The following GATA4 variants were observed in gnomAD, a reference collection of about 807,000 sequenced individuals.
GATA4 encodes the protein GATA binding protein 4.
In GATA4, 7 loss-of-function variants were observed where a neutral mutation model predicts 37.9. The observed-to-expected ratio is 0.18, with a 90% confidence interval of 0.11 to 0.35. GATA4 has a LOEUF of 0.35. Ranked by LOEUF, GATA4 falls within the 10% of genes least tolerant of loss-of-function variation. GATA4 has a pLI of 1.00. For synonymous variants in GATA4, 372 were observed against 292.6 expected, an observed-to-expected ratio of 1.27 and a Z score of -2.77; for missense variants, 647 against 653.0, an observed-to-expected ratio of 0.99 and a Z score of 0.10.
chr8:11,720,358 A>G (rs943325158), intron 2 of GATA4, among the ~76,000 whole-genome samples: 1 of 152,024 alleles, frequency 6.6e-6, no homozygotes, highest in Non-Finnish European at 1.5e-5. Context: ...ACTCGAATTC[A>G]TGCTTGCCTG....
chr8:11,692,291 A>T (rs568561725), upstream of GATA4, among the ~76,000 whole-genome samples: 60 of 152,240 alleles, frequency 3.9e-4, no homozygotes, highest in Non-Finnish European at 3.2e-4. Flanking sequence ...CTTTTCAAGC[A>T]CAGCAATGAC....
At chr8:11,678,336 C>T (rs143582524) in intron 1 of GATA4, among the ~76,000 whole-genome samples, 50 of 152,200 alleles carry the variant, frequency 3.3e-4, no homozygotes, top group Middle Eastern at 3.4e-3. Context: ...AAAATTGTTC[C>T]CTTTGACTAT....
intron 4 of GATA4, among the ~76,000 whole-genome samples, chr8:11,753,593 G>T (rs1011279233): frequency 6.6e-5 from 10 of 151,992 alleles, no homozygotes; most frequent in African/African-American, 2.4e-4. Flanking sequence ...ATAGCTAGGG[G>T]GATGGGGTGG....
At chr8:11,697,717 G>C in intron 1 of GATA4, 1 of 985,464 alleles carries the variant, frequency 1.0e-6, no homozygotes, top group Non-Finnish European at 1.2e-6. Context: ...GCGCTTCCTT[G>C]ACACTTTCCT....
In GATA4 at chr8:11,705,509, G is replaced by C. The variant is rs572722310; in HGVS notation, c.-458+1205G>C. On this transcript the variant is annotated intron_variant, in intron 1 of 6. Coordinates refer to ENST00000532059, the MANE Select transcript of GATA4 (RefSeq NM_001308093.3). ...AGGGCTATTGGTTGATTCTTGAAAG[G>C]GGAGCGCATTTCCTGTTGGCCTGCG... Among the ~76,000 whole-genome samples, 127 of 152,274 alleles carry C rather than the reference G, an allele frequency of 8.3e-4. No individual in the cohort carries two copies. In the South Asian group the frequency reaches 9.4e-3, roughly 11 times the overall value.
At chr8:11,690,233 C>A (rs537010921), upstream of GATA4, among the ~76,000 whole-genome samples, 12 of 152,244 alleles carry the variant, frequency 7.9e-5, no homozygotes, top group African/African-American at 2.7e-4. Context: ...GAGACCATGG[C>A]GCCCGTGTCT....
intron 2 of GATA4, among the ~76,000 whole-genome samples, chr8:11,714,317 G>A (rs1169462958): frequency 2.0e-5 from 3 of 151,986 alleles, no homozygotes; most frequent in Non-Finnish European, 4.4e-5. Flanking sequence ...AAGAAGTTTT[G>A]CCCCATTAGG....
At chr8:11,731,269 T>A (rs1801195561) in intron 2 of GATA4, among the ~76,000 whole-genome samples, 1 of 152,262 alleles carries the variant, frequency 6.6e-6, no homozygotes, top group African/African-American at 2.4e-5. Flanking sequence ...TTTATTTTCT[T>A]GTAAAAATGA....
chr8:11,730,852 A>G (rs1006109020), intron 2 of GATA4, among the ~76,000 whole-genome samples: 1 of 152,236 alleles, frequency 6.6e-6, no homozygotes, highest in Non-Finnish European at 1.5e-5. Flanking sequence ...GGCGGGACCT[A>G]GGTCAGCCTG....
chr8:11,717,600 A>G (rs1323533470), intron 2 of GATA4, among the ~76,000 whole-genome samples: 2 of 152,170 alleles, frequency 1.3e-5, no homozygotes, highest in Non-Finnish European at 2.9e-5. Flanking sequence ...CAAATCTGAT[A>G]TGAGGGCACT....
chr8:11,703,113 G>A (rs1187772650), upstream of GATA4, among the ~76,000 whole-genome samples: 1 of 151,788 alleles, frequency 6.6e-6, no homozygotes, highest in Non-Finnish European at 1.5e-5. Flanking sequence ...GTGTTATCCC[G>A]ACCCCTTCCC....
At chr8:11,723,610 G>C (rs1168932076) in intron 2 of GATA4, among the ~76,000 whole-genome samples, 1 of 152,202 alleles carries the variant, frequency 6.6e-6, no homozygotes, top group Non-Finnish European at 1.5e-5. Context: ...GGCGTTTGGA[G>C]ATCAATCTCA....
chr8:11,680,727 C>T, intron 1 of GATA4: 1 of 985,332 alleles, frequency 1.0e-6, no homozygotes, highest in East Asian at 1.1e-4. Context: ...GCACGGATAC[C>T]CTGGGCGGCG....
At chr8:11,735,850 C>T (rs562307973) in intron 2 of GATA4, among the ~76,000 whole-genome samples, 48 of 152,292 alleles carry the variant, frequency 3.2e-4, no homozygotes, top group African/African-American at 1.0e-3. Flanking sequence ...CGTGAGCCAC[C>T]GCGCCTAGCT....
rs544216813 is a variant in GATA4 at position 11,720,238 on chromosome 8, C to G, written c.616+11310C>G. ...ACCGCCCTTTGGAGATGTTTAAAAT[C>G]GAGTGTCTTCCGGCATGCCCCGTGA... On this transcript the variant is annotated intron_variant, in intron 2 of 6. Coordinates refer to ENST00000532059, the MANE Select transcript of GATA4 (RefSeq NM_001308093.3). Among the ~76,000 whole-genome samples the G allele has an allele frequency of 3.9e-5, 6 of 151,968 alleles. No individual in the cohort carries two copies. The South Asian group carries it at 1.0e-3, about 26-fold the overall frequency.
intron 4 of GATA4, 140 bp from the exon 5 acceptor site, chr8:11,754,906 C>A: frequency 1.4e-6 from 1 of 696,910 alleles, no homozygotes; most frequent in South Asian, 1.6e-5. Context: ...GTTCCAGGGG[C>A]CTGTGCAGCC....
At chr8:11,693,417 C>T (rs903083246) in intron 1 of GATA4, among the ~76,000 whole-genome samples, 3 of 151,746 alleles carry the variant, frequency 2.0e-5, no homozygotes, top group African/African-American at 7.3e-5. Flanking sequence ...GAGATCGCAC[C>T]ACTGCAGTCC....
chr8:11,705,165 C>G (rs1197636637), intron 1 of GATA4, among the ~76,000 whole-genome samples: 2 of 152,210 alleles, frequency 1.3e-5, no homozygotes, highest in Non-Finnish European at 2.9e-5. Context: ...GATGGAATCC[C>G]TGGGGCAGCG....
At chr8:11,721,689 A>T (rs1057330716) in intron 2 of GATA4, among the ~76,000 whole-genome samples, 3 of 152,144 alleles carry the variant, frequency 2.0e-5, no homozygotes, top group African/African-American at 7.2e-5. Context: ...TTAGTCCCCA[A>T]ATCTGGAGCC....
Sources: gnomAD v4.1 joint callset for allele counts (sites outside exome capture counted in the v4.1 genomes callset) on GRCh38, gnomAD v4.1.1 for gene constraint, MANE v1.5 for transcripts, NCBI Gene and HGNC (gene_info 2026-07-23, HGNC 2026-07-21) for gene names.